ZSCAN23: variants seen among roughly 807,000 people sequenced by gnomAD.
ZSCAN23 encodes zinc finger and SCAN domain containing 23.
A neutral mutation model predicts 19.3 loss-of-function variants in ZSCAN23; 19 were observed. That is an observed-to-expected ratio of 0.99 (90% CI 0.69 to 1.45). The LOEUF (loss-of-function observed/expected upper bound fraction) is 1.45, where lower values mean the gene tolerates loss of function less well. Ranked by LOEUF, ZSCAN23 falls within the 40% of genes most tolerant of loss-of-function variation. The pLI, the probability that ZSCAN23 is intolerant of heterozygous loss-of-function variation, is 0.00. For synonymous variants in ZSCAN23, 140 were observed against 166.2 expected, an observed-to-expected ratio of 0.84 and a Z score of 1.21; for missense variants, 372 against 462.5, an observed-to-expected ratio of 0.80 and a Z score of 1.79.
the ZSCAN23 span, among the ~76,000 whole-genome samples, chr6:28,424,815 T>G: frequency 6.6e-6 from 1 of 152,246 alleles, no homozygotes; most frequent in Non-Finnish European, 1.5e-5. Flanking sequence ...GTCTTGAACC[T>G]GTGAAAGTCA....
intron 1 of ZSCAN23, among the ~76,000 whole-genome samples, chr6:28,441,287 C>G (rs140216680): frequency 1.2e-3 from 184 of 152,316 alleles, no homozygotes; most frequent in African/African-American, 3.9e-3. Flanking sequence ...TTCCCAAACT[C>G]TCAAGCACAG....
chr6:28,430,580 T>G (rs1761743754), downstream of ZSCAN23, among the ~76,000 whole-genome samples: 1 of 152,178 alleles, frequency 6.6e-6, no homozygotes, highest in Non-Finnish European at 1.5e-5. Context: ...ACTAGCAAGT[T>G]TGGGGCTTAT....
In ZSCAN23 at chr6:28,434,842, T is replaced by A; in HGVS notation, c.793A>T (p.Ile265Phe). 6.3e-7 allele frequency: 1 copy of A among 1,586,384 alleles called. No individual in the cohort carries two copies. Among genetic ancestry groups the A allele is most frequent in the South Asian group, 1.1e-5 (1 of 87,484 alleles). ...CCTGTGTGTGTTCTCTGGTGCTCGA[T>A]AAGGATGGAATTCTGGGTGAAGCTT... ...GKSFTQNSIL[I>F]EHQRTHTGEK... Residue 265 changes from isoleucine (I) to phenylalanine (F), a missense_variant, in exon 4 of 4, where the codon ATC (isoleucine) becomes TTC (phenylalanine). Transcript: ENST00000289788.
At chr6:28,441,972 G>A (rs1264174493) in intron 1 of ZSCAN23, among the ~76,000 whole-genome samples, 2 of 150,252 alleles carry the variant, frequency 1.3e-5, no homozygotes, top group African/African-American at 2.5e-5. Flanking sequence ...CTGCCTCCCA[G>A]GTTCAAGCAA....
At chr6:28,435,741 C>T (rs1761870130) in intron 2 of ZSCAN23, 118 bp downstream of exon 2, 4 of 1,425,390 alleles carry the variant, frequency 2.8e-6, no homozygotes, top group East Asian at 2.5e-5. Flanking sequence ...AGACTAAAAG[C>T]CTACAGAAGA....
Position 28,434,948 on chromosome 6 carries a change from G to A in ZSCAN23, c.687C>T (p.Thr229=). ...NITQIPEYGD[T]CDREGRLEKQ... Reference sequence around the variant, plus strand: ...TTTCCAATCTGCCCTCACGGTCACAGGTATCTCCATACTCAGGAATCTGAG... The same window carrying A: ...TTTCCAATCTGCCCTCACGGTCACAAGTATCTCCATACTCAGGAATCTGAG... The change falls in exon 4 of 4, where the codon ACC becomes ACT. Residue 229 remains threonine, a synonymous_variant. Transcript: ENST00000289788. 1.3e-6 allele frequency: 2 copies of A among 1,551,924 alleles called. No individual in the cohort carries two copies. Among genetic ancestry groups the A allele is most frequent in the Non-Finnish European group, 1.7e-6 (2 of 1,147,074 alleles).
At chr6:28,431,099 C>T (rs546090808), downstream of ZSCAN23, among the ~76,000 whole-genome samples, 55 of 126,252 alleles carry the variant, frequency 4.4e-4, no homozygotes, top group Non-Finnish European at 4.8e-4. Context: ...TAATTAGGGG[C>T]GGGATGGGGG....
chr6:28,425,465 C>T, the ZSCAN23 span, among the ~76,000 whole-genome samples: 6 of 152,102 alleles, frequency 3.9e-5, no homozygotes, highest in African/African-American at 1.4e-4. Flanking sequence ...GTAGCTGGGA[C>T]CACAGGTGTG....
rs190363482 is a variant in ZSCAN23, at chr6:28,439,199, C to T, written c.-77-2856G>A. Among the ~76,000 whole-genome samples, 670 of 152,000 alleles carry T rather than the reference C, an allele frequency of 4.4e-3. 4 individuals carry two copies. The highest frequency in any genetic ancestry group is 0.01 in the Middle Eastern group (3 of 294). ...TGCTTCCCAGGTTCAAATGATTCTC[C>T]CCTCAGCCTCCTGAGTAGCTGGGAT... On this transcript the variant is annotated intron_variant, in intron 1 of 3. Transcript: ENST00000289788.
the ZSCAN23 span, among the ~76,000 whole-genome samples, chr6:28,426,792 G>A: frequency 3.3e-5 from 5 of 152,168 alleles, no homozygotes; most frequent in African/African-American, 1.2e-4. Context: ...GCCAAGAATT[G>A]TGCTAGATGA....
chr6:28,427,285 A>G (rs1761675709), downstream of ZSCAN23, among the ~76,000 whole-genome samples: 2 of 152,158 alleles, frequency 1.3e-5, no homozygotes, highest in Non-Finnish European at 2.9e-5. Flanking sequence ...AAGAAACACT[A>G]TACTCTTCTG....
chr6:28,436,408 GGAGT>G (rs1761890364), intron 1 of ZSCAN23, 65 bp from the exon 2 acceptor site: 1 of 838,438 alleles, frequency 1.2e-6, no homozygotes, highest in South Asian at 2.2e-5. Context: ...AGGAGGGACT[GGAGT>G]ATTTACACTA....
rs1328658275 is a variant in ZSCAN23, at chr6:28,443,449, G to C, written c.-128C>G. On this transcript the variant is annotated 5_prime_UTR_variant, in exon 1 of 4. Transcript: ENST00000289788. ...ACCTAGCGCAGATCACATCTGCTCT[G>C]AATCCTTGACAACCGCAGCCCAAAG... The C allele has an allele frequency of 6.6e-6, 1 of 152,238 alleles. No individual in the cohort carries two copies. The highest frequency in any genetic ancestry group is 1.5e-5 in the Non-Finnish European group (1 of 68,044). 9.4% of individuals were successfully genotyped at this position (152,238 alleles called of 1,614,324 possible).
intron 1 of ZSCAN23, among the ~76,000 whole-genome samples, chr6:28,437,119 T>G (rs1294413026): frequency 6.6e-6 from 1 of 152,192 alleles, no homozygotes; most frequent in Non-Finnish European, 1.5e-5. Flanking sequence ...TAAATGAATA[T>G]CCTAGTGGTT....
At chr6:28,442,533 T>C (rs1256371639) in intron 1 of ZSCAN23, among the ~76,000 whole-genome samples, 5 of 152,214 alleles carry the variant, frequency 3.3e-5, no homozygotes, top group Non-Finnish European at 5.9e-5. Flanking sequence ...CTGAAAGATA[T>C]ACGTCTTCAG....
At chr6:28,438,603 C>G (rs1050069263) in intron 1 of ZSCAN23, among the ~76,000 whole-genome samples, 1 of 152,140 alleles carries the variant, frequency 6.6e-6, no homozygotes, top group African/African-American at 2.4e-5. Flanking sequence ...GGGAAGCAAA[C>G]ATGTCCTTCT....
downstream of ZSCAN23, among the ~76,000 whole-genome samples, chr6:28,427,741 C>T (rs991967055): frequency 2.6e-5 from 4 of 152,130 alleles, no homozygotes; most frequent in Non-Finnish European, 5.9e-5. Flanking sequence ...TTTCTAATGA[C>T]TATTATTTAG....
At chr6:28,425,026 T>A in the ZSCAN23 span, among the ~76,000 whole-genome samples, 1 of 152,224 alleles carries the variant, frequency 6.6e-6, no homozygotes, top group Admixed American at 6.5e-5. Flanking sequence ...TCTTAAATAA[T>A]AAGACTTGAA....
In ZSCAN23 at chr6:28,436,256, G is replaced by A; in HGVS notation, c.11C>T (p.Thr4Ile). 2 of 1,543,306 alleles carry A rather than the reference G, an allele frequency of 1.3e-6. No homozygotes were observed. Among genetic ancestry groups the A allele is most frequent in the South Asian group, 1.2e-5 (1 of 83,218 alleles). Residue 4 changes from threonine to isoleucine, a missense_variant, in exon 2 of 4, where the codon ACC (threonine) becomes ATC (isoleucine). By Grantham distance (89) the Thr-to-Ile change is moderately conservative (BLOSUM62 -1). Coordinates refer to ENST00000289788, the MANE Select transcript of ZSCAN23 (RefSeq NM_001012455.2). ...CATCTCTGCAGTCTGAAGGGTCAAG[G>A]TTATGGCCATCAAAGGTTTAACTAT... is the stretch of plus-strand genomic sequence containing the variant. Reference protein sequence around the residue: MAITLTLQTAEMQE... With the variant: MAIILTLQTAEMQE...
Sources: gnomAD v4.1 joint callset for allele counts (sites outside exome capture counted in the v4.1 genomes callset) on GRCh38, gnomAD v4.1.1 for gene constraint, MANE v1.5 for transcripts, NCBI Gene and HGNC (gene_info 2026-07-23, HGNC 2026-07-21) for gene names.